Variants in BICC1 observed in about 807,000 individuals in gnomAD.
BICC1 encodes the protein protein bicaudal C homolog 1.
In BICC1, 43 loss-of-function variants were observed where a neutral mutation model predicts 111.0. That is an observed-to-expected ratio of 0.39 (90% CI 0.30 to 0.50). BICC1 has a LOEUF of 0.50. Among genes scored for constraint, BICC1 ranks in the 20% least tolerant of loss-of-function variants. The pLI is 0.88. For missense variants in BICC1, 1,091 were observed against 1,203.2 expected, an observed-to-expected ratio of 0.91 and a Z score of 1.38; for synonymous variants, 467 against 434.4, an observed-to-expected ratio of 1.07 and a Z score of -0.93.
chr10:58,538,178 AAAAGAAC>A (rs1435016210), intron 1 of BICC1, among the ~76,000 whole-genome samples: 1 of 152,002 alleles, frequency 6.6e-6, no homozygotes, highest in Non-Finnish European at 1.5e-5. Flanking sequence ...ATCCTAAGCA[AAAAGAAC>A]AAATCTGAAG....
chr10:58,788,235 T>C, intron 5 of BICC1, 135 bp from the exon 6 acceptor site: 1 of 616,708 alleles, frequency 1.6e-6, no homozygotes. Flanking sequence ...ATCCTTTATT[T>C]TTAACAAGCT....
intron 2 of BICC1, among the ~76,000 whole-genome samples, chr10:58,633,191 C>A (rs1837850711): frequency 6.6e-6 from 1 of 152,206 alleles, no homozygotes; most frequent in Admixed American, 6.5e-5. Context: ...CCCTGTAAGA[C>A]ATGACTTTGC....
chr10:58,636,557 T>C (rs775674987), intron 2 of BICC1, among the ~76,000 whole-genome samples: 18 of 152,072 alleles, frequency 1.2e-4, no homozygotes, highest in Non-Finnish European at 1.6e-4. Flanking sequence ...GATGATGATA[T>C]GCATTCTTCC....
At chr10:58,523,157 C>G (rs1842437786) in intron 1 of BICC1, among the ~76,000 whole-genome samples, 1 of 152,176 alleles carries the variant, frequency 6.6e-6, no homozygotes, top group Admixed American at 6.5e-5. Flanking sequence ...CCTTCTGAAA[C>G]TATTCCAATC....
At chr10:58,769,372 A>AT (rs1491259813) in intron 3 of BICC1, among the ~76,000 whole-genome samples, 85 of 86,216 alleles carry the variant, frequency 9.9e-4, no homozygotes, top group African/African-American at 2.9e-3. Flanking sequence ...TAGTTTTATA[A>AT]TGTATGTGTG....
intron 3 of BICC1, among the ~76,000 whole-genome samples, chr10:58,769,400 G>GTATATATATATATATATATATATATA (rs1202556984): frequency 5.6e-5 from 6 of 106,590 alleles, no homozygotes; most frequent in South Asian, 6.8e-4. Flanking sequence ...GTGTGTGTGT[G>GTATATATATATATATATATATATATA]TGTGTATATA....
intron 2 of BICC1, among the ~76,000 whole-genome samples, chr10:58,657,867 G>T (rs1212861196): frequency 6.6e-6 from 1 of 152,040 alleles, no homozygotes; most frequent in Non-Finnish European, 1.5e-5. Flanking sequence ...ATAGCGTAAA[G>T]AATTCAACCA....
At chr10:58,599,956 C>G (rs1344349940) in intron 1 of BICC1, among the ~76,000 whole-genome samples, 2 of 110,744 alleles carry the variant, frequency 1.8e-5, no homozygotes, top group East Asian at 3.1e-4. Context: ...GTGTGTGTGT[C>G]AGTGGGAACA....
chr10:58,571,926 G>A (rs1370383035), intron 1 of BICC1, among the ~76,000 whole-genome samples: 3 of 152,132 alleles, frequency 2.0e-5, no homozygotes, highest in Admixed American at 6.6e-5. Flanking sequence ...CTTCCACAAT[G>A]GTTGAACTAA....
chr10:58,619,320 A>G (rs1239572422), intron 1 of BICC1, among the ~76,000 whole-genome samples: 3 of 152,124 alleles, frequency 2.0e-5, no homozygotes, highest in African/African-American at 7.2e-5. Context: ...GTACTCTGCA[A>G]TCTGTTGTTT....
At chr10:58,668,086 A>G (rs1358049712) in intron 2 of BICC1, among the ~76,000 whole-genome samples, 1 of 152,100 alleles carries the variant, frequency 6.6e-6, no homozygotes, top group Non-Finnish European at 1.5e-5. Flanking sequence ...TTTCACGGTC[A>G]TCCGGCTTTT....
chr10:58,592,304 A>C (rs927863997), intron 1 of BICC1, among the ~76,000 whole-genome samples: 1 of 152,172 alleles, frequency 6.6e-6, no homozygotes, highest in African/African-American at 2.4e-5. Flanking sequence ...TTAGGGAGGC[A>C]GAGGTGGTGG....
At chr10:58,769,400 G>GTATATATCTATATATATATATA (rs1202556984) in intron 3 of BICC1, among the ~76,000 whole-genome samples, 1 of 106,564 alleles carries the variant, frequency 9.4e-6, no homozygotes, top group Non-Finnish European at 2.1e-5. Flanking sequence ...GTGTGTGTGT[G>GTATATATCTATATATATATATA]TGTGTATATA....
chr10:58,578,894 C>T (rs1844186605), intron 1 of BICC1, among the ~76,000 whole-genome samples: 1 of 152,138 alleles, frequency 6.6e-6, no homozygotes, highest in Non-Finnish European at 1.5e-5. Flanking sequence ...TCTGTGCCCT[C>T]ACCTCTCGTA....
chr10:58,655,471 T>G (rs1483310858), intron 2 of BICC1, among the ~76,000 whole-genome samples: 1 of 44,612 alleles, frequency 2.2e-5, no homozygotes, highest in Non-Finnish European at 4.7e-5. Flanking sequence ...CACTCATGAT[T>G]TGGCTCTCTG....
intron 1 of BICC1, among the ~76,000 whole-genome samples, chr10:58,615,771 G>T (rs1377957315): frequency 6.6e-6 from 1 of 152,166 alleles, no homozygotes; most frequent in East Asian, 1.9e-4. Flanking sequence ...ACTGCAACAT[G>T]AGTTATGGTG....
chr10:58,597,447 G>A (rs1426126696), intron 1 of BICC1, among the ~76,000 whole-genome samples: 1 of 152,108 alleles, frequency 6.6e-6, no homozygotes, highest in African/African-American at 2.4e-5. Context: ...ACAAGGCAAA[G>A]AGCAAAAGCA....
At chr10:58,569,723 A>T (rs1017963293) in intron 1 of BICC1, among the ~76,000 whole-genome samples, 1 of 152,128 alleles carries the variant, frequency 6.6e-6, no homozygotes, top group Non-Finnish European at 1.5e-5. Flanking sequence ...ACATGAACTT[A>T]TCCTTTTATA....
rs372064882 is a variant in BICC1 at position 58,667,554 on chromosome 10, C to CT, written c.238-34511dup. 5.3e-4 allele frequency among the ~76,000 whole-genome samples: 80 copies of CT among 151,312 alleles called. 1 individual carries two copies. The highest frequency in any genetic ancestry group is 1.5e-3 in the African/African-American group (60 of 41,296). Reference sequence around the variant, plus strand: ...ATACCAAAACACACTTTTAAGTACTCTTTTTTTTTGGCAGCTCCTTTTTTC... The same window carrying CT: ...ATACCAAAACACACTTTTAAGTACTCTTTTTTTTTTGGCAGCTCCTTTTTTC... On this transcript the variant is annotated intron_variant, in intron 2 of 20. Coordinates refer to ENST00000373886, the MANE Select transcript of BICC1 (RefSeq NM_001080512.3).
Sources: allele counts gnomAD v4.1 joint callset (sites outside exome capture counted in the v4.1 genomes callset), GRCh38; gene constraint gnomAD v4.1.1; transcripts MANE v1.5; gene names NCBI Gene and HGNC (gene_info 2026-07-23, HGNC 2026-07-21).